Variants in PAK2 observed in about 807,000 individuals in gnomAD.
PAK2 encodes the protein serine/threonine-protein kinase PAK 2.
Under a neutral mutation model 65.9 loss-of-function variants are expected in PAK2, and 21 were observed. The observed-to-expected ratio is 0.32, with a 90% CI of 0.23 to 0.46. The LOEUF (loss-of-function observed/expected upper bound fraction) is 0.46. Among genes scored for constraint, PAK2 ranks in the 20% least tolerant of loss-of-function variants. The probability of loss-of-function intolerance (pLI) is 1.00; values close to 1 mark genes in which losing one functional copy is unlikely to be tolerated. For missense variants in PAK2, 324 were observed against 642.6 expected (o/e 0.50, Z 5.36); for synonymous variants, 204 against 219.7 (o/e 0.93, Z 0.63).
intron 10 of PAK2, among the ~76,000 whole-genome samples, chr3:196,813,141 G>A (rs958301437): frequency 1.3e-5 from 2 of 152,062 alleles, no homozygotes; most frequent in Non-Finnish European, 2.9e-5. Flanking sequence ...TGTGATTCGT[G>A]TCTTGACTGA....
intron 1 of PAK2, among the ~76,000 whole-genome samples, chr3:196,753,773 G>T (rs1428688173): frequency 6.6e-6 from 1 of 152,114 alleles, no homozygotes; most frequent in African/African-American, 2.4e-5. Flanking sequence ...CTGGATGGTG[G>T]TAGGAATTTT....
intron 13 of PAK2, among the ~76,000 whole-genome samples, chr3:196,826,195 G>A (rs566714418): frequency 1.1e-4 from 16 of 150,824 alleles, no homozygotes; most frequent in South Asian, 6.3e-4. Context: ...TTTTTGGGAC[G>A]GAGTCTCGCT....
intron 1 of PAK2, among the ~76,000 whole-genome samples, chr3:196,754,634 C>T (rs889484728): frequency 2.6e-5 from 4 of 152,186 alleles, no homozygotes; most frequent in Non-Finnish European, 5.9e-5. Context: ...TCTGATCTTA[C>T]ACCCACAACA....
intron 1 of PAK2, among the ~76,000 whole-genome samples, chr3:196,778,850 T>C (rs1427179205): frequency 6.6e-6 from 1 of 152,208 alleles, no homozygotes; most frequent in Non-Finnish European, 1.5e-5. Flanking sequence ...GTTTGTCTGG[T>C]GTTTTTCTCG....
chr3:196,789,160 G>A (rs1017216657), intron 2 of PAK2, among the ~76,000 whole-genome samples: 8 of 152,162 alleles, frequency 5.3e-5, no homozygotes, highest in Admixed American at 5.2e-4. Flanking sequence ...GTGAGAAATG[G>A]CCTAACTAGT....
At chr3:196,828,239 G>T (rs1711950441) in intron 14 of PAK2, 80 bp from the exon 15 acceptor site, 1 of 764,688 alleles carries the variant, frequency 1.3e-6, no homozygotes, top group Non-Finnish European at 2.3e-6. Context: ...TAGTCTTTGG[G>T]GCTTAATTGA....
chr3:196,805,897 T>A (rs1715568858), intron 5 of PAK2, among the ~76,000 whole-genome samples: 1 of 150,632 alleles, frequency 6.6e-6, no homozygotes, highest in Non-Finnish European at 1.5e-5. Flanking sequence ...TATTTTATTT[T>A]ATTTATTTAT....
chr3:196,789,219 A>C (rs976190583), intron 2 of PAK2, among the ~76,000 whole-genome samples: 1 of 152,224 alleles, frequency 6.6e-6, no homozygotes, highest in Non-Finnish European at 1.5e-5. Context: ...GACTTTTTAA[A>C]ATAAGCTTTA....
intron 1 of PAK2, among the ~76,000 whole-genome samples, chr3:196,741,032 T>G (rs1316000243): frequency 6.6e-6 from 1 of 152,238 alleles, no homozygotes; most frequent in African/African-American, 2.4e-5. Flanking sequence ...TGTCCCTTGA[T>G]AAATAACGAA....
chr3:196,790,696 G>A (rs1420043471), intron 2 of PAK2, among the ~76,000 whole-genome samples: 12 of 152,136 alleles, frequency 7.9e-5, no homozygotes, highest in Non-Finnish European at 1.8e-4. Context: ...TGAGAGTCCG[G>A]GCCACTTACA....
intron 13 of PAK2, among the ~76,000 whole-genome samples, chr3:196,825,425 C>CCT (rs1711820355): frequency 6.6e-6 from 1 of 150,830 alleles, no homozygotes; most frequent in Admixed American, 6.6e-5. Context: ...GGGCAGATCA[C>CCT]AAAGTTGGGA....
intron 10 of PAK2, among the ~76,000 whole-genome samples, chr3:196,813,898 C>T (rs908692098): frequency 2.6e-5 from 4 of 152,050 alleles, no homozygotes; most frequent in Admixed American, 6.6e-5. Context: ...TGCAGTGAGC[C>T]GAGATCGCGC....
At chr3:196,785,038 C>G (rs933541254) in intron 2 of PAK2, 1 of 152,280 alleles carries the variant, frequency 6.6e-6, no homozygotes, top group Non-Finnish European at 1.5e-5. Context: ...CCATGCTAAT[C>G]TTCTCTGTAT....
intron 2 of PAK2, among the ~76,000 whole-genome samples, chr3:196,792,357 A>C (rs542992715): frequency 2.6e-5 from 4 of 152,228 alleles, no homozygotes; most frequent in African/African-American, 9.6e-5. Flanking sequence ...CACGACCTCA[A>C]ATTACTCAAA....
At chr3:196,743,228 A>G (rs1433333441) in intron 1 of PAK2, among the ~76,000 whole-genome samples, 1 of 152,158 alleles carries the variant, frequency 6.6e-6, no homozygotes. Flanking sequence ...CAGTCTGAAC[A>G]TTCATTCAGG....
In PAK2 at chr3:196,810,575, T is replaced by A. The variant is rs1364905465; in HGVS notation, c.710-15T>A. On this transcript the variant is annotated splice_polypyrimidine_tract_variant and intron_variant, in intron 7 of 14. Coordinates refer to ENST00000327134, the MANE Select transcript of PAK2 (RefSeq NM_002577.4). ...AAAATGCTTGACTGAGCTTCCAGCT[T>A]TTTGTTTATTCTAGGAACTATCGTG... 2.7e-6 allele frequency: 4 copies of A among 1,476,308 alleles called. No homozygotes were observed. Among genetic ancestry groups the A allele is most frequent in the Non-Finnish European group, 3.8e-6 (4 of 1,058,642 alleles). 91.5% of individuals were successfully genotyped at this position (1,476,308 alleles called of 1,614,324 possible). A position where few individuals can be genotyped will look rare whatever the true frequency, so the allele number is the denominator to read the frequency against.
chr3:196,814,223 C>T (rs1247884919), intron 10 of PAK2, among the ~76,000 whole-genome samples: 1 of 152,126 alleles, frequency 6.6e-6, no homozygotes, highest in African/African-American at 2.4e-5. Context: ...TATGTGCATA[C>T]TCAAACTACA....
intron 2 of PAK2, among the ~76,000 whole-genome samples, chr3:196,786,446 C>G (rs1714893120): frequency 6.6e-6 from 1 of 152,108 alleles, no homozygotes; most frequent in Non-Finnish European, 1.5e-5. Context: ...CAGGCGTGAG[C>G]CACCGTGCCT....
chr3:196,792,260 T>C (rs1041192418), intron 2 of PAK2, among the ~76,000 whole-genome samples: 1 of 152,220 alleles, frequency 6.6e-6, no homozygotes, highest in Non-Finnish European at 1.5e-5. Flanking sequence ...AATTGTAAAC[T>C]ACTAGTTTAT....
Sources: gnomAD v4.1 joint callset for allele counts (sites outside exome capture counted in the v4.1 genomes callset) on GRCh38, gnomAD v4.1.1 for gene constraint, MANE v1.5 for transcripts, NCBI Gene and HGNC (gene_info 2026-07-23, HGNC 2026-07-21) for gene names.